Variants in SAV1 observed in about 807,000 individuals in gnomAD.
The protein encoded by SAV1 is protein salvador homolog 1.
SAV1 carries 23 observed loss-of-function variants against 47.3 expected under a neutral mutation model. That is an observed-to-expected ratio of 0.49 (90% CI 0.35 to 0.69). The LOEUF (loss-of-function observed/expected upper bound fraction) is 0.69. Ranked by LOEUF, SAV1 falls within the 30% of genes least tolerant of loss-of-function variation. The probability of loss-of-function intolerance (pLI) is 0.01; values close to 1 mark genes in which losing one functional copy is unlikely to be tolerated. For synonymous variants in SAV1, 155 were observed against 159.2 expected (o/e 0.97, Z 0.20); for missense variants, 448 against 457.4 (o/e 0.98, Z 0.19).
intron 2 of SAV1, among the ~76,000 whole-genome samples, chr14:50,659,006 G>C (rs1235138046): frequency 2.0e-5 from 3 of 151,142 alleles, no homozygotes; most frequent in African/African-American, 7.3e-5. Flanking sequence ...ATATTGCCCT[G>C]ATAAAAATTA....
At position 50,635,209 on chromosome 14, in the gene SAV1, C is replaced by T. The variant is rs774933913; in HGVS notation, c.1126G>A (p.Ala376Thr). Residue 376 changes from alanine to threonine, a missense_variant, in exon 5 of 5, where the codon GCC (alanine) becomes ACC (threonine). Transcript: ENST00000324679. ...ENRKQRQQWY[A>T]QQHGKNF ...CAAAAATTTTTTCCATGTTGTTGGG[C>T]ATACCACTGCTGTCTCTGCTTTCGG... 166 of 1,614,064 alleles carry T rather than the reference C, an allele frequency of 1.0e-4. No homozygotes were observed. The South Asian group carries it at 1.7e-3, about 16-fold the overall frequency.
At chr14:50,655,585 C>T (rs2039805609) in intron 2 of SAV1, among the ~76,000 whole-genome samples, 1 of 152,044 alleles carries the variant, frequency 6.6e-6, no homozygotes. Flanking sequence ...GCCACCATGC[C>T]TGGCTACTTT....
In SAV1 at chr14:50,640,835, T is replaced by A; in HGVS notation, c.865A>T (p.Asn289Tyr). 1 of 1,613,886 alleles carries A rather than the reference T, an allele frequency of 6.2e-7. No individual in the cohort carries two copies. The highest frequency in any genetic ancestry group is 1.3e-5 in the African/African-American group (1 of 75,046). Residue 289 changes from asparagine (N) to tyrosine (Y), a missense_variant, in exon 4 of 5, where the codon AAT becomes TAT. Coordinates refer to ENST00000324679, the MANE Select transcript of SAV1 (RefSeq NM_021818.4). ...VTYQPQQTER[N>Y]QSLLVPANPY... ...TTTGCAGGTACCAGAAGGGACTGAT[T>A]TCTTTCAGTTTGCTGTGGCTGGTAT...
In SAV1 at chr14:50,634,801, A is replaced by C. The variant is rs148390116; in HGVS notation, c.*382T>G. 8.4e-3 allele frequency: 1,483 copies of C among 176,840 alleles called. 19 individuals are homozygous for C. The highest frequency in any genetic ancestry group is 0.033 in the African/African-American group (1,391 of 41,716). The allele number at this position is 176,840 out of a possible 1,614,324, so 11.0% of individuals were successfully genotyped here. The stretch of plus-strand genomic sequence containing the variant: ...ACAATATTTCACACTACAGCGGTAA[A>C]CTTTTTTTTTAAAAAAATACCGCAG... On this transcript the variant is annotated 3_prime_UTR_variant, in exon 5 of 5. Coordinates refer to ENST00000324679, the MANE Select transcript of SAV1 (RefSeq NM_021818.4).
At position 50,634,294 on chromosome 14, in the gene SAV1, C is replaced by A; in HGVS notation, c.*889G>T. Reference sequence around the variant, plus strand: ...TAAAAGGCCCGTCACCCATTCATACCAAAAAATACTTTCTCAACATGCTTT... The same window carrying A: ...TAAAAGGCCCGTCACCCATTCATACAAAAAAATACTTTCTCAACATGCTTT... On this transcript the variant is annotated 3_prime_UTR_variant, in exon 5 of 5. Transcript: ENST00000324679. 1 of 314,636 alleles carries A rather than the reference C, an allele frequency of 3.2e-6. No homozygotes were observed. 19.5% of individuals were successfully genotyped at this position (314,636 alleles called of 1,614,324 possible). A position where few individuals can be genotyped will look rare whatever the true frequency, so the allele number is the denominator to read the frequency against.
chr14:50,656,668 T>A (rs1464005229), intron 2 of SAV1, among the ~76,000 whole-genome samples: 4 of 152,082 alleles, frequency 2.6e-5, no homozygotes, highest in Non-Finnish European at 4.4e-5. Flanking sequence ...GGTCTCGATC[T>A]CCTGACCTCA....
At position 50,643,523 on chromosome 14, in the gene SAV1, C is replaced by T. The variant is rs116483207; in HGVS notation, c.806+1221G>A. ...GCCCCCATGATTCAATCACTTCCCA[C>T]CAGGTCCCTCCCTTGATACATGGGG... On this transcript the variant is annotated intron_variant, in intron 3 of 4. Transcript: ENST00000324679. Among the ~76,000 whole-genome samples the T allele has an allele frequency of 5.5e-3, 841 of 152,300 alleles. 5 individuals are homozygous for T. The highest frequency in any genetic ancestry group is 0.02 in the African/African-American group (812 of 41,564).
intron 2 of SAV1, among the ~76,000 whole-genome samples, chr14:50,645,563 T>A (rs1166197989): frequency 2.0e-5 from 3 of 151,906 alleles, no homozygotes; most frequent in Non-Finnish European, 4.4e-5. Context: ...CATACAAATA[T>A]TCCAAAATAA....
chr14:50,638,515 C>G (rs1337390572), intron 4 of SAV1, among the ~76,000 whole-genome samples: 1 of 152,140 alleles, frequency 6.6e-6, no homozygotes, highest in Non-Finnish European at 1.5e-5. Context: ...TGCTGCTATC[C>G]TCAGCTCCAG....
intron 4 of SAV1, chr14:50,637,664 G>GTTTTTTTTTTTTTTTTTTTTTT: frequency 1.7e-5 from 1 of 58,286 alleles, no homozygotes; most frequent in African/African-American, 4.3e-5. Context: ...AATTTTGTCA[G>GTTTTTTTTTTTTTTTTTTTTTT]TTTTTTTTTT....
At chr14:50,636,423 A>T (rs1595632390) in intron 4 of SAV1, among the ~76,000 whole-genome samples, 1 of 152,236 alleles carries the variant, frequency 6.6e-6, no homozygotes, top group East Asian at 1.9e-4. Flanking sequence ...ATCTAAAAAA[A>T]CAAACAGGAA....
At position 50,644,976 on chromosome 14, in the gene SAV1, T is replaced by C. The variant is rs372117701; in HGVS notation, c.574A>G (p.Thr192Ala). 36 of 1,612,916 alleles carry C rather than the reference T, an allele frequency of 2.2e-5. No homozygotes were observed. Among genetic ancestry groups the C allele is most frequent in the East Asian group, 2.0e-4 (9 of 44,874 alleles). Residue 192 changes from threonine to alanine, a missense_variant, in exon 3 of 5, where the codon ACT becomes GCT. Physicochemically the swap from Thr to Ala is moderately conservative, Grantham distance 58 (BLOSUM62 0). Coordinates refer to ENST00000324679, the MANE Select transcript of SAV1 (RefSeq NM_021818.4). ...RVAATSLGNL[T>A]NHGSEDLPLP... is the part of the protein sequence containing the mutation. ...GGTAAATCTTCAGAACCATGGTTAG[T>C]CAAATTTCCTAAAGATGTAGCAGCA...
intron 2 of SAV1, among the ~76,000 whole-genome samples, chr14:50,652,231 T>G (rs968409687): frequency 1.3e-5 from 2 of 152,132 alleles, no homozygotes; most frequent in African/African-American, 4.8e-5. Flanking sequence ...TATGTGTATT[T>G]TATCACAATT....
chr14:50,657,451 A>C (rs1344533443), intron 2 of SAV1, among the ~76,000 whole-genome samples: 1 of 152,212 alleles, frequency 6.6e-6, no homozygotes, highest in Non-Finnish European at 1.5e-5. Context: ...AACAGGTTCA[A>C]GTGAATTATT....
intron 1 of SAV1, among the ~76,000 whole-genome samples, chr14:50,666,457 AAAC>A (rs1389794217): frequency 6.6e-6 from 1 of 152,230 alleles, no homozygotes; most frequent in East Asian, 1.9e-4. Flanking sequence ...TTCATCAAGT[AAAC>A]AATATTGGAG....
intron 2 of SAV1, among the ~76,000 whole-genome samples, chr14:50,647,985 C>T (rs3015495): frequency 0.56 from 85,317 of 152,120 alleles, 24,248 homozygotes; most frequent in East Asian, 0.73. Flanking sequence ...CACAAAATCC[C>T]ATTTGTGGAT....
intron 3 of SAV1, 71 bp from the exon 4 acceptor site, chr14:50,640,964 A>G (rs767365031): frequency 1.2e-4 from 171 of 1,405,786 alleles, no homozygotes; most frequent in Non-Finnish European, 1.6e-4. Context: ...TAAAGAACAA[A>G]TAATACTTAA....
chr14:50,663,906 G>A (rs1188404615), intron 2 of SAV1, among the ~76,000 whole-genome samples: 3 of 152,166 alleles, frequency 2.0e-5, no homozygotes, highest in South Asian at 2.1e-4. Flanking sequence ...AAACCAGGCA[G>A]AACTACACTG....
intron 4 of SAV1, 39 bp from the exon 5 acceptor site, chr14:50,635,423 T>C (rs761475356): frequency 1.4e-6 from 2 of 1,452,914 alleles, no homozygotes; most frequent in Non-Finnish European, 9.6e-7. Flanking sequence ...TCACAACACA[T>C]ACATAAACAT....
Sources: allele counts gnomAD v4.1 joint callset (sites outside exome capture counted in the v4.1 genomes callset), GRCh38; gene constraint gnomAD v4.1.1; transcripts MANE v1.5; gene names NCBI Gene and HGNC (gene_info 2026-07-23, HGNC 2026-07-21).